The following CD86 variants were observed in gnomAD, a reference collection of about 807,000 sequenced individuals.
CD86 encodes the protein T-lymphocyte activation antigen CD86.
CD86 carries 11 observed loss-of-function variants against 32.1 expected under a neutral mutation model. The observed-to-expected ratio is 0.34, with a 90% CI of 0.22 to 0.57. CD86 has a LOEUF of 0.57. Among genes scored for constraint, CD86 ranks in the 20% least tolerant of loss-of-function variants. CD86 has a pLI of 0.86. For missense variants in CD86, 359 were observed against 398.4 expected (o/e 0.90, Z 0.84); for synonymous variants, 137 against 135.3 (o/e 1.01, Z -0.09).
chr3:122,076,657 T>G (rs1433004202), intron 1 of CD86, among the ~76,000 whole-genome samples: 2 of 152,188 alleles, frequency 1.3e-5, no homozygotes, highest in Non-Finnish European at 2.9e-5. Context: ...TTTACAGACC[T>G]CTGTAGTGAC....
chr3:122,076,659 T>G (rs17203439), intron 1 of CD86, among the ~76,000 whole-genome samples: 6,752 of 152,322 alleles, frequency 0.044, 213 homozygotes, highest in South Asian at 0.11. Flanking sequence ...TACAGACCTC[T>G]GTAGTGACAG....
chr3:122,117,049 T>A (rs1170535815), intron 5 of CD86, among the ~76,000 whole-genome samples: 2 of 152,178 alleles, frequency 1.3e-5, no homozygotes, highest in Non-Finnish European at 2.9e-5. Flanking sequence ...AAGCTGATTG[T>A]TTTTATCTTT....
At position 122,106,370 on chromosome 3, in the gene CD86, T is replaced by G. The variant is rs145578152; in HGVS notation, c.573T>G (p.Asp191Glu). ...ATGGTGTTATGCAGAAATCTCAAGATAATGTCACAGAACTGTACGACGTTT... is the reference window on the plus strand; with the variant it reads ...ATGGTGTTATGCAGAAATCTCAAGAGAATGTCACAGAACTGTACGACGTTT... ...EYDGVMQKSQDNVTELYDVSI... is the reference protein window; with the variant it reads ...EYDGVMQKSQENVTELYDVSI... The change falls in exon 4 of 7, where the codon GAT (aspartate) becomes GAG (glutamate). Residue 191 changes from aspartate to glutamate, a missense_variant. Transcript: ENST00000330540. The G allele has an allele frequency of 8.1e-5, 131 of 1,614,042 alleles. 1 individual carries two copies. Among genetic ancestry groups the G allele is most frequent in the Non-Finnish European group, 1.1e-4 (128 of 1,179,976 alleles).
chr3:122,084,222 G>C (rs1189105084), intron 1 of CD86, among the ~76,000 whole-genome samples: 1 of 152,142 alleles, frequency 6.6e-6, no homozygotes, highest in Non-Finnish European at 1.5e-5. Flanking sequence ...CCTGACCTCA[G>C]GTAATCTGCC....
intron 1 of CD86, among the ~76,000 whole-genome samples, chr3:122,073,535 A>G (rs930358290): frequency 3.9e-5 from 6 of 152,172 alleles, no homozygotes; most frequent in Non-Finnish European, 8.8e-5. Context: ...TTAAAAATAC[A>G]ATTTACAGTA....
At chr3:122,074,964 C>T (rs189794559) in intron 1 of CD86, among the ~76,000 whole-genome samples, 2 of 152,266 alleles carry the variant, frequency 1.3e-5, no homozygotes, top group African/African-American at 4.8e-5. Flanking sequence ...TGTTGACCAC[C>T]ATCACGGTTG....
Position 122,116,957 on chromosome 3 carries a change from G to A in CD86, c.848-1091G>A, listed in dbSNP as rs542596909. Among the ~76,000 whole-genome samples the A allele has an allele frequency of 4.7e-4, 72 of 152,264 alleles. 1 individual carries two copies. In the South Asian group the frequency reaches 7.9e-3, roughly 17 times the overall value. ...CGATCTTGATTGTGGTGGTGGTTAC[G>A]TGACTATATATATTCGTTAAAATCA... On this transcript the variant is annotated intron_variant, in intron 5 of 6. Coordinates refer to ENST00000330540, the MANE Select transcript of CD86 (RefSeq NM_175862.5).
intron 1 of CD86, among the ~76,000 whole-genome samples, chr3:122,080,978 C>CAG (rs2072625850): frequency 6.6e-6 from 1 of 152,218 alleles, no homozygotes; most frequent in African/African-American, 2.4e-5. Flanking sequence ...GCCTGTAATA[C>CAG]TGGCTTTCTT....
chr3:122,106,762 T>C (rs2073097700), intron 4 of CD86, among the ~76,000 whole-genome samples: 1 of 151,950 alleles, frequency 6.6e-6, no homozygotes, highest in South Asian at 2.1e-4. Context: ...GGATGGAGGA[T>C]TCTGAAGTTT....
chr3:122,093,063 G>A (rs1049055806), intron 2 of CD86, among the ~76,000 whole-genome samples: 1 of 152,166 alleles, frequency 6.6e-6, no homozygotes, highest in Non-Finnish European at 1.5e-5. Context: ...TGGGGATGTG[G>A]GAGGTATGTG....
chr3:122,101,513 A>AAAAAATATATAT (rs1202377219), intron 2 of CD86, among the ~76,000 whole-genome samples: 3 of 46,344 alleles, frequency 6.5e-5, no homozygotes, highest in African/African-American at 2.6e-4. Flanking sequence ...AAAAAAAAAA[A>AAAAAATATATAT]ATATATATAT....
intron 2 of CD86, among the ~76,000 whole-genome samples, chr3:122,094,828 C>T (rs752746251): frequency 2.6e-5 from 4 of 152,198 alleles, no homozygotes; most frequent in African/African-American, 4.8e-5. Context: ...AAGACTGAAA[C>T]GGGCACCTGT....
chr3:122,099,823 G>A (rs2072968798), intron 2 of CD86, among the ~76,000 whole-genome samples: 1 of 152,180 alleles, frequency 6.6e-6, no homozygotes, highest in South Asian at 2.1e-4. Flanking sequence ...ACAGGGGCTG[G>A]TGGCTATCAT....
At chr3:122,075,835 G>T (rs2107511567) in intron 1 of CD86, among the ~76,000 whole-genome samples, 1 of 152,334 alleles carries the variant, frequency 6.6e-6, no homozygotes, top group South Asian at 2.1e-4. Context: ...TTAAAGAAGT[G>T]CTATGGAAGG....
In CD86 at chr3:122,103,811, C is replaced by T. The variant is rs770052627; in HGVS notation, c.364C>T (p.Arg122Cys). The change falls in exon 3 of 7, where the codon CGC (arginine) becomes TGC (cysteine). Residue 122 changes from arginine (R) to cysteine (C), a missense_variant. By Grantham distance (180) the Arg-to-Cys change is radical (BLOSUM62 -3). Transcript: ENST00000330540. ...IHHKKPTGMIRIHQMNSELSV... is the reference protein window; with the variant it reads ...IHHKKPTGMICIHQMNSELSV... ...TCACAAAAAGCCCACAGGAATGATTCGCATCCACCAGATGAATTCTGAACT... is the reference window on the plus strand; with the variant it reads ...TCACAAAAAGCCCACAGGAATGATTTGCATCCACCAGATGAATTCTGAACT... 6 of 1,613,708 alleles carry T rather than the reference C, an allele frequency of 3.7e-6. No homozygotes were observed. Among genetic ancestry groups the T allele is most frequent in the African/African-American group, 1.3e-5 (1 of 74,880 alleles).
intron 1 of CD86, among the ~76,000 whole-genome samples, chr3:122,071,384 G>A (rs1443166078): frequency 6.7e-6 from 1 of 150,084 alleles, no homozygotes; most frequent in African/African-American, 2.4e-5. Context: ...CATACAGTAT[G>A]TACCCTTTTC....
intron 1 of CD86, among the ~76,000 whole-genome samples, chr3:122,086,155 T>C (rs2072714892): frequency 6.6e-6 from 1 of 152,096 alleles, no homozygotes; most frequent in Non-Finnish European, 1.5e-5. Context: ...CCCCTCAATC[T>C]CTAGAACAAG....
In CD86 at chr3:122,115,387, C is replaced by T. The variant is rs2073234205; in HGVS notation, c.848-2661C>T. Reference sequence around the variant, plus strand: ...AACCAAAATAAATGGAGACATAGGCCATGTTTATGAATCAGAAGACTAGAT... The same window carrying T: ...AACCAAAATAAATGGAGACATAGGCTATGTTTATGAATCAGAAGACTAGAT... On this transcript the variant is annotated intron_variant, in intron 5 of 6. Coordinates refer to ENST00000330540, the MANE Select transcript of CD86 (RefSeq NM_175862.5). Among the ~76,000 whole-genome samples the T allele has an allele frequency of 2.6e-5, 4 of 152,026 alleles. No individual in the cohort carries two copies. In the South Asian group the frequency reaches 8.3e-4, roughly 32 times the overall value.
chr3:122,113,020 G>A (rs974102690), intron 5 of CD86, among the ~76,000 whole-genome samples: 2 of 152,132 alleles, frequency 1.3e-5, no homozygotes, highest in Non-Finnish European at 2.9e-5. Flanking sequence ...TCTTTCCTCT[G>A]AGTCCCCAAA....
Sources: gnomAD v4.1 joint callset for allele counts (sites outside exome capture counted in the v4.1 genomes callset) on GRCh38, gnomAD v4.1.1 for gene constraint, MANE v1.5 for transcripts, NCBI Gene and HGNC (gene_info 2026-07-23, HGNC 2026-07-21) for gene names.